EYS: variants seen among roughly 807,000 people sequenced by gnomAD.
EYS encodes protein eyes shut homolog.
A neutral mutation model predicts 282.1 loss-of-function variants in EYS; 250 were observed. That is an observed-to-expected ratio of 0.89 (90% CI 0.80 to 0.98). The LOEUF is 0.98. EYS is among the 50% of genes least tolerant of loss of function. EYS has a pLI of 0.00. For synonymous variants in EYS, 1,355 were observed against 1,282.9 expected, an observed-to-expected ratio of 1.06 and a Z score of -1.20; for missense variants, 4,016 against 3,709.0, an observed-to-expected ratio of 1.08 and a Z score of -2.15.
intron 5 of EYS, among the ~76,000 whole-genome samples, chr6:65,451,369 A>G (rs1413054263): frequency 6.6e-6 from 1 of 152,092 alleles, no homozygotes; most frequent in Non-Finnish European, 1.5e-5. Flanking sequence ...TGTTTAATTC[A>G]AAGAATTTAT....
At position 65,346,238 on chromosome 6, in the gene EYS, TTAAA is replaced by T. The variant is rs774294810; in HGVS notation, c.1460-2065_1460-2062del. Among the ~76,000 whole-genome samples, 9 of 151,738 alleles carry T rather than the reference TTAAA, an allele frequency of 5.9e-5. No homozygotes were observed. In the South Asian group the frequency reaches 1.2e-3, roughly 21 times the overall value. On this transcript the variant is annotated intron_variant, in intron 9 of 42. Coordinates refer to ENST00000503581, the MANE Select transcript of EYS (RefSeq NM_001142800.2). ...AGTCAGCCTTCTTAGTTCCTCTCCG[TTAAA>T]TATGATCACCCCACATTTGGCAGAA... is the stretch of plus-strand genomic sequence containing the variant.
intron 26 of EYS, among the ~76,000 whole-genome samples, chr6:64,451,122 A>C (rs1775320186): frequency 6.6e-6 from 1 of 152,118 alleles, no homozygotes. Context: ...AAGACTAATA[A>C]GGAAGAAAAG....
At position 64,690,542 on chromosome 6, in the gene EYS, G is replaced by A. The variant is rs993926614; in HGVS notation, c.3444-64297C>T. Among the ~76,000 whole-genome samples the A allele has an allele frequency of 3.0e-4, 45 of 152,198 alleles. 1 individual carries two copies. In the South Asian group the frequency reaches 4.4e-3, roughly 15 times the overall value. ...ACACAGGCATGCGCTTGTTTATTGC[G>A]GCACTATTCATGATAGCAAAGACTT... is the stretch of plus-strand genomic sequence containing the variant. On this transcript the variant is annotated intron_variant, in intron 22 of 42. Coordinates refer to ENST00000503581, the MANE Select transcript of EYS (RefSeq NM_001142800.2).
intron 22 of EYS, among the ~76,000 whole-genome samples, chr6:64,720,295 C>T (rs750915038): frequency 6.6e-5 from 10 of 152,120 alleles, no homozygotes; most frequent in South Asian, 2.1e-4. Context: ...CTTTTCCTTC[C>T]TGCATCCTTC....
At chr6:64,865,820 A>G (rs1766409646) in intron 19 of EYS, among the ~76,000 whole-genome samples, 1 of 152,128 alleles carries the variant, frequency 6.6e-6, no homozygotes. Context: ...AAAGGGAAGA[A>G]GTAAACTAAT....
At chr6:65,451,556 T>TA in intron 5 of EYS, among the ~76,000 whole-genome samples, 1 of 152,172 alleles carries the variant, frequency 6.6e-6, no homozygotes, top group Admixed American at 6.6e-5. Flanking sequence ...TCAAATACTT[T>TA]AGGGATACAT....
intron 5 of EYS, among the ~76,000 whole-genome samples, chr6:65,443,210 T>C (rs367718245): frequency 0.013 from 1,373 of 104,554 alleles, 154 homozygotes; most frequent in Middle Eastern, 0.058. Context: ...CATATATGTA[T>C]GCATCATATA....
intron 19 of EYS, among the ~76,000 whole-genome samples, chr6:64,844,104 G>C (rs1319742283): frequency 2.0e-5 from 3 of 152,068 alleles, no homozygotes; most frequent in Non-Finnish European, 4.4e-5. Flanking sequence ...CAACCATGTG[G>C]AACTGTAAGT....
intron 30 of EYS, among the ~76,000 whole-genome samples, chr6:64,277,523 T>C (rs1227731970): frequency 6.6e-6 from 1 of 152,062 alleles, no homozygotes. Flanking sequence ...TTTTCTACAT[T>C]TAGTGAAAGA....
At chr6:65,225,489 G>A (rs1766597371) in intron 12 of EYS, among the ~76,000 whole-genome samples, 2 of 151,696 alleles carry the variant, frequency 1.3e-5, no homozygotes, top group Admixed American at 1.3e-4. Context: ...GTCGAGGCGG[G>A]CAGATCATGA....
intron 19 of EYS, among the ~76,000 whole-genome samples, chr6:64,828,005 TA>T (rs967660943): frequency 6.6e-6 from 1 of 150,642 alleles, no homozygotes; most frequent in Non-Finnish European, 1.5e-5. Flanking sequence ...ACTGATATGT[TA>T]AAAAATATAT....
At chr6:64,381,298 C>T (rs904496791) in intron 29 of EYS, among the ~76,000 whole-genome samples, 7 of 152,080 alleles carry the variant, frequency 4.6e-5, no homozygotes, top group Admixed American at 1.3e-4. Context: ...TCCGTTCTTA[C>T]GTGGTTATCC....
intron 4 of EYS, 147 bp downstream of exon 4, chr6:65,494,516 C>T (rs527824139): frequency 6.1e-6 from 4 of 651,770 alleles, no homozygotes; most frequent in East Asian, 6.1e-5. Context: ...CTCCTGACCT[C>T]GTGATCCACC....
rs572832054 is a variant in EYS at position 65,419,382 on chromosome 6, C to T, written c.863-14015G>A. ...TGTTCTAGTAGAATTGCAATCTAAACATGTACAAAAATTCACACAAATAAA... is the reference window on the plus strand; with the variant it reads ...TGTTCTAGTAGAATTGCAATCTAAATATGTACAAAAATTCACACAAATAAA... On this transcript the variant is annotated intron_variant, in intron 5 of 42. Transcript: ENST00000503581. Among the ~76,000 whole-genome samples the T allele has an allele frequency of 2.6e-5, 4 of 151,846 alleles. No individual in the cohort carries two copies. The East Asian group carries it at 5.8e-4, about 22-fold the overall frequency.
intron 5 of EYS, among the ~76,000 whole-genome samples, chr6:65,423,379 T>C (rs1412810725): frequency 1.3e-5 from 2 of 151,938 alleles, no homozygotes; most frequent in South Asian, 4.1e-4. Context: ...TAAAATGTAA[T>C]GTGTGTGATG....
chr6:64,818,676 C>T (rs2150019877), intron 21 of EYS, among the ~76,000 whole-genome samples: 1 of 152,232 alleles, frequency 6.6e-6, no homozygotes, highest in East Asian at 1.9e-4. Context: ...AAGCACCCGG[C>T]ATGGGAGAAA....
At chr6:65,348,756 G>T (rs1411012372) in intron 9 of EYS, among the ~76,000 whole-genome samples, 1 of 151,506 alleles carries the variant, frequency 6.6e-6, no homozygotes, top group African/African-American at 2.4e-5. Flanking sequence ...GATTACTAGT[G>T]CTTGTGGGGT....
rs112406356 is a variant in EYS at position 65,005,793 on chromosome 6, C to T, written c.2138-8090G>A. On this transcript the variant is annotated intron_variant, in intron 13 of 42. Transcript: ENST00000503581. Reference sequence around the variant, plus strand: ...GTAGAAAGCAGCTGTCCCGAACTCCCGGCAGTAGCCGGTTAAGATCATGGC... The same window carrying T: ...GTAGAAAGCAGCTGTCCCGAACTCCTGGCAGTAGCCGGTTAAGATCATGGC... Among the ~76,000 whole-genome samples the T allele has an allele frequency of 2.0e-3, 305 of 152,080 alleles. 8 individuals are homozygous for T. Among genetic ancestry groups the T allele is most frequent in the African/African-American group, 6.5e-3 (272 of 41,564 alleles).
chr6:64,787,846 T>A (rs992364294), intron 22 of EYS, among the ~76,000 whole-genome samples: 2 of 151,798 alleles, frequency 1.3e-5, no homozygotes, highest in Non-Finnish European at 2.9e-5. Context: ...AATTTTATAT[T>A]TCAAGCTTTC....
Sources: gnomAD v4.1 joint callset for allele counts (sites outside exome capture counted in the v4.1 genomes callset) on GRCh38, gnomAD v4.1.1 for gene constraint, MANE v1.5 for transcripts, NCBI Gene and HGNC (gene_info 2026-07-23, HGNC 2026-07-21) for gene names.